UNC13B: variants seen among roughly 807,000 people sequenced by gnomAD.
UNC13B encodes unc-13 homolog B.
A neutral mutation model predicts 211.0 loss-of-function variants in UNC13B; 144 were observed. The ratio of observed to expected loss-of-function variants is 0.68; its 90% confidence interval spans 0.60 to 0.78. The LOEUF is 0.78. UNC13B is among the 30% of genes least tolerant of loss of function. The probability of loss-of-function intolerance (pLI) is 0.00; values close to 1 mark genes in which losing one functional copy is unlikely to be tolerated. For missense variants in UNC13B, 1,777 were observed against 2,002.0 expected (o/e 0.89, Z 2.14); for synonymous variants, 709 against 725.8 (o/e 0.98, Z 0.37).
chr9:35,249,125 CT>C (rs1042526633), intron 6 of UNC13B, among the ~76,000 whole-genome samples: 2 of 152,108 alleles, frequency 1.3e-5, no homozygotes, highest in African/African-American at 4.8e-5. Context: ...TTCTTTGTCT[CT>C]TTTGATCTTT....
At chr9:35,395,486 G>A (rs1835811008) in intron 26 of UNC13B, among the ~76,000 whole-genome samples, 1 of 152,172 alleles carries the variant, frequency 6.6e-6, no homozygotes, top group Admixed American at 6.5e-5. Context: ...CCTTGACTTG[G>A]AGGAGCATCA....
chr9:35,359,734 A>G (rs1161323521), intron 11 of UNC13B, among the ~76,000 whole-genome samples: 1 of 152,096 alleles, frequency 6.6e-6, no homozygotes, highest in Non-Finnish European at 1.5e-5. Flanking sequence ...AATATCTTGA[A>G]TCTTGCCATT....
chr9:35,403,700 A>G (rs1836492759), intron 39 of UNC13B, 48 bp from the exon 40 acceptor site: 1 of 1,607,738 alleles, frequency 6.2e-7, no homozygotes, highest in Non-Finnish European at 8.5e-7. Flanking sequence ...GGGTGAAATC[A>G]GCTGAAGACT....
intron 1 of UNC13B, among the ~76,000 whole-genome samples, chr9:35,196,845 AC>A (rs1225775645): frequency 1.3e-5 from 2 of 152,138 alleles, no homozygotes; most frequent in Admixed American, 1.3e-4. Flanking sequence ...ATCATGGCTG[AC>A]TGCATCCTTG....
At chr9:35,247,749 A>G (rs1175444929) in intron 6 of UNC13B, among the ~76,000 whole-genome samples, 2 of 152,138 alleles carry the variant, frequency 1.3e-5, no homozygotes, top group Admixed American at 6.6e-5. Context: ...TGCTGGATTC[A>G]GTTTGTCAGT....
In UNC13B at chr9:35,399,739, C is replaced by A; in HGVS notation, c.12336+10C>A. 1 of 1,613,962 alleles carries A rather than the reference C, an allele frequency of 6.2e-7. No individual in the cohort carries two copies. The highest frequency in any genetic ancestry group is 2.2e-5 in the East Asian group (1 of 44,874). ...CCTGGACACCATCAAGGTGGAGGCC[C>A]CCCCTTTTTCAGACAGTCTTAACCA... On this transcript the variant is annotated intron_variant, in intron 36 of 39. Coordinates refer to ENST00000635942, the MANE Select transcript of UNC13B (RefSeq NM_001371189.2).
rs571217568 is a variant in UNC13B, at chr9:35,318,056, A to G, written c.9414+4067A>G. On this transcript the variant is annotated intron_variant, in intron 11 of 39. Coordinates refer to ENST00000635942, the MANE Select transcript of UNC13B (RefSeq NM_001371189.2). ...TTATGGCCTTTTCTTTTTCAGAAGT[A>G]TAATAATTCAGTCTCTCAAAAAGAC... 5.3e-5 allele frequency among the ~76,000 whole-genome samples: 7 copies of G among 131,378 alleles called. No homozygotes were observed. In the South Asian group the frequency reaches 1.8e-3, roughly 33 times the overall value. 86.2% of individuals were successfully genotyped at this position (131,378 alleles called of 152,430 possible).
chr9:35,380,758 C>A, intron 18 of UNC13B, 119 bp downstream of exon 18: 1 of 1,332,320 alleles, frequency 7.5e-7, no homozygotes, highest in Non-Finnish European at 1.0e-6. Flanking sequence ...CAGAGCCTGT[C>A]TCACCTGCAA....
At chr9:35,199,756 G>A (rs1207970765) in intron 1 of UNC13B, among the ~76,000 whole-genome samples, 1 of 152,118 alleles carries the variant, frequency 6.6e-6, no homozygotes, top group African/African-American at 2.4e-5. Flanking sequence ...TGTCAGATGA[G>A]TAGATTGCAA....
intron 7 of UNC13B, among the ~76,000 whole-genome samples, chr9:35,263,846 C>T (rs1307366715): frequency 6.6e-6 from 1 of 152,128 alleles, no homozygotes; most frequent in Non-Finnish European, 1.5e-5. Flanking sequence ...AGAAGGTAGC[C>T]ATCTGTAAGC....
intron 17 of UNC13B, 62 bp downstream of exon 17, chr9:35,378,498 C>A: frequency 3.7e-6 from 6 of 1,600,832 alleles, no homozygotes; most frequent in Non-Finnish European, 5.1e-6. Context: ...AGGATCACAT[C>A]CTGCCATTCT....
intron 7 of UNC13B, among the ~76,000 whole-genome samples, chr9:35,263,447 G>A (rs1827395007): frequency 6.6e-6 from 1 of 151,800 alleles, no homozygotes; most frequent in African/African-American, 2.4e-5. Context: ...TCCTCACTTG[G>A]CCCTGAGGAA....
chr9:35,219,086 G>A (rs969041261), intron 1 of UNC13B, among the ~76,000 whole-genome samples: 4 of 152,142 alleles, frequency 2.6e-5, no homozygotes, highest in African/African-American at 9.7e-5. Flanking sequence ...TAAGGAACTG[G>A]GTGAGAATCA....
At chr9:35,297,039 C>T (rs1355417521) in intron 8 of UNC13B, among the ~76,000 whole-genome samples, 2 of 149,930 alleles carry the variant, frequency 1.3e-5, no homozygotes, top group African/African-American at 2.5e-5. Flanking sequence ...CCTTAGCTTC[C>T]TTTAATTTAG....
At position 35,165,061 on chromosome 9, in the gene UNC13B, A is replaced by C. The variant is rs115710420; in HGVS notation, c.22+2756A>C. 2.8e-3 allele frequency among the ~76,000 whole-genome samples: 429 copies of C among 152,356 alleles called. 4 individuals carry two copies. Among genetic ancestry groups the C allele is most frequent in the African/African-American group, 0.01 (418 of 41,572 alleles). On this transcript the variant is annotated intron_variant, in intron 1 of 39. Coordinates refer to ENST00000635942, the MANE Select transcript of UNC13B (RefSeq NM_001371189.2). ...GTTATCTTAAGAGGGGAGTGATTAG[A>C]ATAATGAAACATGTAGGAACCGAAC...
At chr9:35,321,450 C>T (rs1010401893) in intron 11 of UNC13B, among the ~76,000 whole-genome samples, 17 of 152,056 alleles carry the variant, frequency 1.1e-4, no homozygotes, top group South Asian at 2.1e-4. Context: ...CTCCTGGGCT[C>T]AAGCAATTTT....
At chr9:35,370,762 G>T (rs1439698986) in intron 13 of UNC13B, among the ~76,000 whole-genome samples, 1 of 152,200 alleles carries the variant, frequency 6.6e-6, no homozygotes, top group African/African-American at 2.4e-5. Context: ...ATTGAGCTTG[G>T]TATGGGATGA....
At position 35,360,178 on chromosome 9, in the gene UNC13B, A is replaced by T. The variant is rs1201917057; in HGVS notation, c.9415-6769A>T. Among the ~76,000 whole-genome samples, 10 of 152,224 alleles carry T rather than the reference A, an allele frequency of 6.6e-5. No homozygotes were observed. The South Asian group carries it at 2.1e-3, about 32-fold the overall frequency. The stretch of plus-strand genomic sequence containing the variant: ...GGCCGCCCTAACAACCATTTTTTGG[A>T]TTTTTAATAACAACTCTACCTCCAT... On this transcript the variant is annotated intron_variant, in intron 11 of 39. Transcript: ENST00000635942.
chr9:35,382,930 T>C (rs1210293140), intron 21 of UNC13B, among the ~76,000 whole-genome samples: 1 of 152,122 alleles, frequency 6.6e-6, no homozygotes, highest in African/African-American at 2.4e-5. Flanking sequence ...ATAGCTACCA[T>C]TTTGATAGAT....
Sources: allele counts gnomAD v4.1 joint callset (sites outside exome capture counted in the v4.1 genomes callset), GRCh38; gene constraint gnomAD v4.1.1; transcripts MANE v1.5; gene names NCBI Gene and HGNC (gene_info 2026-07-23, HGNC 2026-07-21).